The following ACOXL variants were observed in gnomAD, a reference collection of about 807,000 sequenced individuals.
ACOXL encodes the protein acyl-coenzyme A oxidase-like protein.
Under a neutral mutation model 71.9 loss-of-function variants are expected in ACOXL, and 70 were observed. The observed-to-expected ratio is 0.97, with a 90% CI of 0.80 to 1.19. The LOEUF is 1.19. ACOXL is among the 50% of genes most tolerant of loss of function. ACOXL has a pLI of 0.00. For synonymous variants in ACOXL, 253 were observed against 281.6 expected, an observed-to-expected ratio of 0.90 and a Z score of 1.02; for missense variants, 703 against 736.3, an observed-to-expected ratio of 0.95 and a Z score of 0.52.
At chr2:110,888,060 A>G (rs1697518381) in intron 10 of ACOXL, 1 of 152,230 alleles carries the variant, frequency 6.6e-6, no homozygotes, top group African/African-American at 2.4e-5. Flanking sequence ...TTTAATGATT[A>G]GTCTCCATTT....
intron 10 of ACOXL, among the ~76,000 whole-genome samples, chr2:110,889,685 A>G (rs185379435): frequency 8.4e-4 from 128 of 152,290 alleles, no homozygotes; most frequent in African/African-American, 3.1e-3. Context: ...ATTTCTTTTT[A>G]TATTCCAAAT....
At chr2:110,777,318 A>G (rs73956446) in intron 2 of ACOXL, among the ~76,000 whole-genome samples, 2,277 of 152,328 alleles carry the variant, frequency 0.015, 65 homozygotes, top group African/African-American at 0.052. Flanking sequence ...AGAAGTGGCC[A>G]TAGAGGTAGG....
At chr2:110,941,175 C>T (rs776857340) in intron 12 of ACOXL, among the ~76,000 whole-genome samples, 26 of 152,116 alleles carry the variant, frequency 1.7e-4, no homozygotes, top group Non-Finnish European at 2.6e-4. Flanking sequence ...TTGCTAAATT[C>T]TCTTTATGTG....
At chr2:110,768,784 T>C (rs1681479125) in intron 2 of ACOXL, among the ~76,000 whole-genome samples, 2 of 152,206 alleles carry the variant, frequency 1.3e-5, no homozygotes, top group Admixed American at 6.5e-5. Flanking sequence ...CTCTCACTTA[T>C]AAGTAAGAAC....
At chr2:110,908,640 C>A in intron 10 of ACOXL, 149 bp from the exon 11 acceptor site, 1 of 643,082 alleles carries the variant, frequency 1.6e-6, no homozygotes, top group Non-Finnish European at 2.8e-6. Flanking sequence ...CTTAGGCTGT[C>A]TTGCCCTAAC....
At chr2:110,809,392 T>C (rs943752305) in intron 9 of ACOXL, among the ~76,000 whole-genome samples, 2 of 152,168 alleles carry the variant, frequency 1.3e-5, no homozygotes, top group African/African-American at 2.4e-5. Context: ...CAACCAGCAT[T>C]CTGGGCTGTT....
At chr2:110,915,968 T>A (rs1318495623) in intron 11 of ACOXL, among the ~76,000 whole-genome samples, 2 of 152,160 alleles carry the variant, frequency 1.3e-5, no homozygotes, top group East Asian at 3.9e-4. Flanking sequence ...TTGATAGTAT[T>A]TACTAAGATG....
At chr2:110,840,580 C>T (rs1339305849) in intron 9 of ACOXL, among the ~76,000 whole-genome samples, 1 of 152,200 alleles carries the variant, frequency 6.6e-6, no homozygotes, top group Non-Finnish European at 1.5e-5. Flanking sequence ...TGCAGCTGAA[C>T]TTGACTGGCT....
intron 1 of ACOXL, among the ~76,000 whole-genome samples, chr2:110,750,767 G>A (rs1678838689): frequency 6.6e-6 from 1 of 151,376 alleles, no homozygotes; most frequent in African/African-American, 2.4e-5. Context: ...CACAATCCTG[G>A]CTCAGTGCAG....
At chr2:110,973,161 C>T (rs551815206) in intron 12 of ACOXL, among the ~76,000 whole-genome samples, 3 of 152,292 alleles carry the variant, frequency 2.0e-5, no homozygotes, top group Non-Finnish European at 2.9e-5. Context: ...AAGGTCAAAT[C>T]ACTAGAATAA....
intron 12 of ACOXL, among the ~76,000 whole-genome samples, chr2:110,967,086 A>G (rs1048067046): frequency 6.6e-6 from 1 of 152,238 alleles, no homozygotes; most frequent in African/African-American, 2.4e-5. Flanking sequence ...CAATGTTGGA[A>G]TTATCTGATA....
chr2:110,779,758 G>A (rs1205373547), intron 2 of ACOXL, among the ~76,000 whole-genome samples: 1 of 152,190 alleles, frequency 6.6e-6, no homozygotes, highest in Admixed American at 6.5e-5. Context: ...ATAAGCATAT[G>A]GGAAGAAAGT....
At chr2:110,768,492 T>TTGTGTGTGTGTGTGTGTGTGTGTG (rs57292148) in intron 2 of ACOXL, 28 bp downstream of exon 2, 105 of 1,280,444 alleles carry the variant, frequency 8.2e-5, no homozygotes, top group African/African-American at 2.7e-4. Context: ...TCTGGTATGG[T>TTGTGTGTGTGTGTGTGTGTGTGTG]TGTGTGTGTG....
intron 9 of ACOXL, among the ~76,000 whole-genome samples, chr2:110,810,908 G>T (rs554911229): frequency 6.6e-6 from 1 of 152,202 alleles, no homozygotes; most frequent in Non-Finnish European, 1.5e-5. Context: ...AAGCAAACAC[G>T]TCCTTCTCCA....
chr2:111,061,640 T>C (rs913067701), intron 16 of ACOXL, among the ~76,000 whole-genome samples: 4 of 152,128 alleles, frequency 2.6e-5, no homozygotes, highest in Non-Finnish European at 5.9e-5. Context: ...TGTTTGATAA[T>C]TGAAGTGAAA....
At chr2:110,877,411 G>C (rs988513612) in intron 10 of ACOXL, among the ~76,000 whole-genome samples, 1 of 152,238 alleles carries the variant, frequency 6.6e-6, no homozygotes, top group Non-Finnish European at 1.5e-5. Flanking sequence ...CTTTCTAGAT[G>C]TTTTTAGAAA....
intron 9 of ACOXL, among the ~76,000 whole-genome samples, chr2:110,812,583 G>A (rs1687467588): frequency 6.6e-6 from 1 of 152,162 alleles, no homozygotes; most frequent in Non-Finnish European, 1.5e-5. Context: ...CTGTTTCTGT[G>A]TTAGTTTGCT....
chr2:111,096,253 TTG>T (rs2068793917), intron 17 of ACOXL, among the ~76,000 whole-genome samples: 2 of 145,030 alleles, frequency 1.4e-5, no homozygotes, highest in South Asian at 2.2e-4. Context: ...ATTATTATTA[TTG>T]AGACAGAGTC....
At chr2:110,748,976 G>A (rs1288090903) in intron 1 of ACOXL, among the ~76,000 whole-genome samples, 1 of 152,194 alleles carries the variant, frequency 6.6e-6, no homozygotes, top group Non-Finnish European at 1.5e-5. Context: ...CAGGAAAAAG[G>A]GGCAGGTTAT....
Sources: allele counts gnomAD v4.1 joint callset (sites outside exome capture counted in the v4.1 genomes callset), GRCh38; gene constraint gnomAD v4.1.1; transcripts MANE v1.5; gene names NCBI Gene and HGNC (gene_info 2026-07-23, HGNC 2026-07-21).